VAT1L: variants seen among roughly 807,000 people sequenced by gnomAD.
The protein encoded by VAT1L is putative NADPH-dependent quinone oxidoreductase VAT1L.
VAT1L carries 34 observed loss-of-function variants against 44.1 expected under a neutral mutation model. The ratio of observed to expected loss-of-function variants is 0.77; its 90% CI spans 0.59 to 1.03. VAT1L has a LOEUF of 1.03. Among genes scored for constraint, VAT1L ranks in the 50% least tolerant of loss-of-function variants. VAT1L has a pLI of 0.00. For synonymous variants in VAT1L, 253 were observed against 202.2 expected (o/e 1.25, Z -2.13); for missense variants, 615 against 538.8 (o/e 1.14, Z -1.40).
intron 3 of VAT1L, among the ~76,000 whole-genome samples, chr16:77,862,123 A>G (rs902206903): frequency 2.3e-4 from 35 of 152,244 alleles, no homozygotes; most frequent in Admixed American, 8.5e-4. Context: ...CCTGATTCCC[A>G]TTGACTTTCC....
chr16:77,952,766 G>A (rs1038608360), intron 7 of VAT1L, among the ~76,000 whole-genome samples: 2 of 148,018 alleles, frequency 1.4e-5, no homozygotes, highest in East Asian at 4.0e-4. Flanking sequence ...GCTGAGGCAG[G>A]AGAATCGTTT....
intron 2 of VAT1L, among the ~76,000 whole-genome samples, chr16:77,817,574 G>A (rs1012904440): frequency 2.2e-4 from 34 of 152,162 alleles, no homozygotes; most frequent in Non-Finnish European, 5.9e-5. Context: ...GTCAAAGAGT[G>A]GAGGTACCTG....
At chr16:77,827,725 G>T (rs997981437) in intron 3 of VAT1L, among the ~76,000 whole-genome samples, 1 of 152,150 alleles carries the variant, frequency 6.6e-6, no homozygotes, top group African/African-American at 2.4e-5. Flanking sequence ...AAATAAAACA[G>T]TTACTAGGGG....
intron 1 of VAT1L, among the ~76,000 whole-genome samples, chr16:77,802,067 T>C (rs2016066601): frequency 6.6e-6 from 1 of 152,210 alleles, no homozygotes; most frequent in Non-Finnish European, 1.5e-5. Context: ...CTGGGACTAC[T>C]ACTTCATAGG....
intron 6 of VAT1L, chr16:77,882,380 A>G (rs905205611): frequency 6.6e-6 from 1 of 152,272 alleles, no homozygotes; most frequent in Non-Finnish European, 1.5e-5. Context: ...GTTAACATTT[A>G]CAGAGCAATC....
At chr16:77,944,971 T>C (rs547314913) in intron 7 of VAT1L, among the ~76,000 whole-genome samples, 98 of 152,318 alleles carry the variant, frequency 6.4e-4, no homozygotes, top group Middle Eastern at 3.4e-3. Context: ...ATCCATGGGA[T>C]AATTTCTTTA....
intron 7 of VAT1L, among the ~76,000 whole-genome samples, chr16:77,918,285 A>G (rs1366167627): frequency 6.6e-6 from 1 of 152,178 alleles, no homozygotes; most frequent in East Asian, 1.9e-4. Flanking sequence ...AAGATTTAGA[A>G]ACATTTTTCT....
chr16:77,799,565 T>G (rs371377045), intron 1 of VAT1L, among the ~76,000 whole-genome samples: 1 of 138,046 alleles, frequency 7.2e-6, no homozygotes, highest in South Asian at 2.3e-4. Context: ...GTGGTGTGTA[T>G]TGGGGGAAAA....
At chr16:77,847,093 G>C (rs574710231) in intron 3 of VAT1L, among the ~76,000 whole-genome samples, 1 of 152,084 alleles carries the variant, frequency 6.6e-6, no homozygotes, top group Non-Finnish European at 1.5e-5. Context: ...TCTGCAAAAT[G>C]CAGCATTTCA....
chr16:77,977,644 G>C lies in VAT1L; in HGVS notation c.1209G>C (p.Glu403Asp). ...CCAGTGAAGCAGGGGAAGAGGAGGA[G>C]GACCACGAGGGAGACAGCGAGAACA... is the stretch of plus-strand genomic sequence containing the variant. ...TETSEAGEEE[E>D]DHEGDSENKE... The change falls in exon 9 of 9, where the codon GAG (glutamate) becomes GAC (aspartate). Residue 403 changes from glutamate to aspartate, a missense_variant. By Grantham distance (45) the Glu-to-Asp change is conservative. Coordinates refer to ENST00000302536, the MANE Select transcript of VAT1L (RefSeq NM_020927.3). 1 of 1,614,072 alleles carries C rather than the reference G, an allele frequency of 6.2e-7. No homozygotes were observed. The highest frequency in any genetic ancestry group is 1.1e-5 in the South Asian group (1 of 91,074).
chr16:77,924,289 C>A (rs966961872), intron 7 of VAT1L, among the ~76,000 whole-genome samples: 2 of 152,100 alleles, frequency 1.3e-5, no homozygotes, highest in African/African-American at 4.8e-5. Flanking sequence ...TCATGCAGGA[C>A]CACCCCAGCA....
In VAT1L at chr16:77,862,841, G is replaced by C. The variant is rs555692949; in HGVS notation, c.673G>C (p.Val225Leu). ...TFKHEAIKDS[V>L]THLFDRNADY... ...CAAGCATGAAGCAATCAAAGACTCT[G>C]TGACCCACCTCTTTGACAGAAATGC... is the stretch of plus-strand genomic sequence containing the variant. The change falls in exon 4 of 9, where the codon GTG becomes CTG. Residue 225 changes from valine to leucine, a missense_variant. Val to Leu is a conservative substitution (Grantham distance 32). Coordinates refer to ENST00000302536, the MANE Select transcript of VAT1L (RefSeq NM_020927.3). The C allele has an allele frequency of 2.5e-6, 4 of 1,614,058 alleles. No homozygotes were observed. Among genetic ancestry groups the C allele is most frequent in the Admixed American group, 1.7e-5 (1 of 60,008 alleles).
chr16:77,954,705 T>C (rs2018082811), intron 7 of VAT1L, among the ~76,000 whole-genome samples: 1 of 152,312 alleles, frequency 6.6e-6, no homozygotes, highest in East Asian at 1.9e-4. Flanking sequence ...GTCTTTCTTG[T>C]TCTTTGCATG....
rs2018373738 is a variant in VAT1L at position 77,979,231 on chromosome 16, C to G, written c.*1536C>G. ...TGAGTTATGTATGCCAAATACTTAT[C>G]TGAAGAGTTTCTCCTCATTGTGAAT... On this transcript the variant is annotated 3_prime_UTR_variant, in exon 9 of 9. Transcript: ENST00000302536. The G allele has an allele frequency of 6.6e-6, 1 of 152,526 alleles. No homozygotes were observed. The highest frequency in any genetic ancestry group is 6.5e-5 in the Admixed American group (1 of 15,274). The allele number at this position is 152,526 out of a possible 1,614,324, so 9.4% of individuals were successfully genotyped here.
chr16:77,795,964 T>A (rs1267065870), intron 1 of VAT1L, among the ~76,000 whole-genome samples: 1 of 151,966 alleles, frequency 6.6e-6, no homozygotes, highest in African/African-American at 2.4e-5. Context: ...TAGCTGGGAT[T>A]ACAGGTGCCT....
chr16:77,884,640 G>C lies in VAT1L; in HGVS notation c.915G>C (p.Lys305Asn), dbSNP rs2017190230. 6.2e-7 allele frequency: 1 copy of C among 1,613,572 alleles called. No homozygotes were observed. Among genetic ancestry groups the C allele is most frequent in the Non-Finnish European group, 8.5e-7 (1 of 1,179,862 alleles). ...AGGTGGAGAAGGTGAACCCCATCAA[G>C]CTGTATGAGGAGAACAAAGTCATCG... ...WWQVEKVNPI[K>N]LYEENKVIAG... Residue 305 changes from lysine (K) to asparagine (N), a missense_variant, in exon 7 of 9, where the codon AAG becomes AAC. Coordinates refer to ENST00000302536, the MANE Select transcript of VAT1L (RefSeq NM_020927.3). This position sits in a 1 kb window ranked among gnomAD's most constrained non-coding sequence, Gnocchi z 4.5.
chr16:77,896,202 G>A (rs2017322972), intron 7 of VAT1L, among the ~76,000 whole-genome samples: 1 of 152,178 alleles, frequency 6.6e-6, no homozygotes, highest in African/African-American at 2.4e-5. Context: ...TGTTCCAGTT[G>A]TTAACTTGGC....
chr16:77,953,398 G>C (rs1243573315), intron 7 of VAT1L, among the ~76,000 whole-genome samples: 1 of 152,096 alleles, frequency 6.6e-6, no homozygotes, highest in South Asian at 2.1e-4. Flanking sequence ...CTCAAGACTG[G>C]GTATGATTTG....
At chr16:77,810,343 G>A (rs770756312) in intron 1 of VAT1L, among the ~76,000 whole-genome samples, 4 of 152,132 alleles carry the variant, frequency 2.6e-5, no homozygotes, top group African/African-American at 9.7e-5. Context: ...GAACTCAGAG[G>A]TGGGGCCCAA....
Sources: allele counts gnomAD v4.1 joint callset (sites outside exome capture counted in the v4.1 genomes callset), GRCh38; gene constraint gnomAD v4.1.1; non-coding constraint Gnocchi (gnomAD v3.1); transcripts MANE v1.5; gene names NCBI Gene and HGNC (gene_info 2026-07-23, HGNC 2026-07-21).